Variants in XKR3 observed in about 807,000 individuals in gnomAD.
XKR3 encodes XK-related protein 3.
In XKR3, 27 loss-of-function variants were observed where a neutral mutation model predicts 40.3. The ratio of observed to expected loss-of-function variants is 0.67; its 90% CI spans 0.49 to 0.92. The LOEUF is 0.92. Ranked by LOEUF, XKR3 falls within the 40% of genes least tolerant of loss-of-function variation. The pLI, the probability that XKR3 is intolerant of heterozygous loss-of-function variation, is 0.00. For missense variants in XKR3, 472 were observed against 537.6 expected, an observed-to-expected ratio of 0.88 and a Z score of 1.21; for synonymous variants, 193 against 195.4, an observed-to-expected ratio of 0.99 and a Z score of 0.10.
rs1331498701 is a variant in XKR3 at position 16,807,997 on chromosome 22, C to CCAA, written c.74_76dup (p.Leu25_Gly26insVal). The CCAA allele has an allele frequency of 6.8e-6, 11 of 1,613,868 alleles. No homozygotes were observed. The highest frequency in any genetic ancestry group is 9.3e-6 in the Non-Finnish European group (11 of 1,179,890). On this transcript the variant is annotated inframe_insertion, in exon 2 of 4. Transcript: ENST00000684488. The stretch of plus-strand genomic sequence containing the variant: ...AGGAAAGCTTAGATGGAGTCTCTGG[C>CCAA]CAAGGACTATTTCTTCTTTCGAAGA...
chr22:16,795,080 C>G (rs1360039776), intron 3 of XKR3, among the ~76,000 whole-genome samples: 1 of 152,158 alleles, frequency 6.6e-6, no homozygotes, highest in Non-Finnish European at 1.5e-5. Context: ...AATGAACATG[C>G]CACCCAACAA....
At chr22:16,790,447 A>G (rs1249461925) in intron 3 of XKR3, among the ~76,000 whole-genome samples, 111 of 152,298 alleles carry the variant, frequency 7.3e-4, no homozygotes, top group Non-Finnish European at 1.3e-3. Flanking sequence ...AAAATATTCA[A>G]AAGCAAAACA....
intron 1 of XKR3, among the ~76,000 whole-genome samples, 104 bp downstream of exon 1, chr22:16,825,187 C>A (rs77832581): frequency 6.6e-6 from 1 of 152,100 alleles, no homozygotes; most frequent in Non-Finnish European, 1.5e-5. Flanking sequence ...AAAAGCCACC[C>A]CTGATATCCA....
At chr22:16,797,783 A>T (rs1478723872) in intron 3 of XKR3, among the ~76,000 whole-genome samples, 2 of 139,012 alleles carry the variant, frequency 1.4e-5, no homozygotes, top group Non-Finnish European at 3.1e-5. Flanking sequence ...ACAGAGTGAG[A>T]CTCTGTCTCA....
intron 3 of XKR3, among the ~76,000 whole-genome samples, chr22:16,789,137 T>C (rs2060103511): frequency 6.6e-6 from 1 of 152,178 alleles, no homozygotes; most frequent in African/African-American, 2.4e-5. Flanking sequence ...CTTTAACTGC[T>C]TATATTAACA....
chr22:16,794,852 G>A (rs1468850836), intron 3 of XKR3, among the ~76,000 whole-genome samples: 2 of 152,160 alleles, frequency 1.3e-5, no homozygotes, highest in Non-Finnish European at 2.9e-5. Context: ...CATGCTAATG[G>A]AAAACAAAGA....
rs1256762797 is a variant in XKR3 at position 16,783,986 on chromosome 22, C to G, written c.1013G>C (p.Arg338Thr). 6.2e-7 allele frequency: 1 copy of G among 1,614,238 alleles called. No individual in the cohort carries two copies. The highest frequency in any genetic ancestry group is 8.5e-7 in the Non-Finnish European group (1 of 1,180,046). ...TAGGATTCTATGGCCCCACCTCTGT[C>G]TCCCGTCAATTATTTTGTCATCTGA... Reference protein sequence around the residue: ...QLSDDKIIDGRQRWGHRILHY... With the variant: ...QLSDDKIIDGTQRWGHRILHY... The change falls in exon 4 of 4, where the codon AGA becomes ACA. Residue 338 changes from arginine (R) to threonine (T), a missense_variant. Arg to Thr is a moderately conservative substitution (Grantham distance 71). Coordinates refer to ENST00000684488, the MANE Select transcript of XKR3 (RefSeq NM_001386955.1).
intron 1 of XKR3, among the ~76,000 whole-genome samples, chr22:16,817,353 C>CCAGT (rs2060238109): frequency 6.6e-6 from 1 of 151,184 alleles, no homozygotes; most frequent in Non-Finnish European, 1.5e-5. Context: ...CGAACGTCCA[C>CCAGT]CAATCAGTTT....
chr22:16,795,740 G>A (rs1425948148), intron 3 of XKR3, among the ~76,000 whole-genome samples: 1 of 152,124 alleles, frequency 6.6e-6, no homozygotes, highest in Non-Finnish European at 1.5e-5. Flanking sequence ...GTTGACATGG[G>A]AGGATTACTT....
At chr22:16,818,564 TA>T (rs1249497960) in intron 1 of XKR3, among the ~76,000 whole-genome samples, 2 of 151,916 alleles carry the variant, frequency 1.3e-5, no homozygotes, top group Non-Finnish European at 2.9e-5. Context: ...CTATGGAGAA[TA>T]ACCAAACTAC....
intron 1 of XKR3, among the ~76,000 whole-genome samples, chr22:16,821,387 C>T (rs2060255052): frequency 6.6e-6 from 1 of 151,936 alleles, no homozygotes; most frequent in African/African-American, 2.4e-5. Context: ...CAAAGCATCT[C>T]AAAAATCAGG....
chr22:16,824,670 C>A (rs2060267462), intron 1 of XKR3, among the ~76,000 whole-genome samples: 1 of 152,080 alleles, frequency 6.6e-6, no homozygotes, highest in African/African-American at 2.4e-5. Context: ...AGAAATATAT[C>A]CCACTCTCTC....
intron 3 of XKR3, among the ~76,000 whole-genome samples, chr22:16,791,428 A>G (rs1222386403): frequency 4.6e-5 from 7 of 152,240 alleles, no homozygotes; most frequent in Admixed American, 2.6e-4. Flanking sequence ...TTATAATTAC[A>G]GTCAGATAGG....
At chr22:16,814,970 C>T (rs2060227257) in intron 1 of XKR3, among the ~76,000 whole-genome samples, 1 of 151,482 alleles carries the variant, frequency 6.6e-6, no homozygotes, top group Non-Finnish European at 1.5e-5. Flanking sequence ...TGCCCCTCAT[C>T]AAAATCAAAC....
chr22:16,788,438 G>A lies in XKR3; in HGVS notation c.590-4029C>T, dbSNP rs567898031. On this transcript the variant is annotated intron_variant, in intron 3 of 3. Coordinates refer to ENST00000684488, the MANE Select transcript of XKR3 (RefSeq NM_001386955.1). The stretch of plus-strand genomic sequence containing the variant: ...TATAATCAGAGACAAAAAAGGAGAT[G>A]TCATAACTGACACCCAGAAACAAAT... Among the ~76,000 whole-genome samples, 33 of 152,116 alleles carry A rather than the reference G, an allele frequency of 2.2e-4. No individual in the cohort carries two copies. The South Asian group carries it at 6.4e-3, about 30-fold the overall frequency.
chr22:16,821,200 T>A (rs2060254282), intron 1 of XKR3, among the ~76,000 whole-genome samples: 1 of 152,166 alleles, frequency 6.6e-6, no homozygotes, highest in African/African-American at 2.4e-5. Context: ...TAATTTTCTA[T>A]GATAGCATTG....
In XKR3 at chr22:16,784,046, T is replaced by C. The variant is rs2060078244; in HGVS notation, c.953A>G (p.Asn318Ser). 6.2e-7 allele frequency: 1 copy of C among 1,614,122 alleles called. No homozygotes were observed. The highest frequency in any genetic ancestry group is 8.5e-7 in the Non-Finnish European group (1 of 1,180,054). ...FLITLLYAAI[N>S]FSCWSAVKLQ... ...TTTCACTGCTGACCAGCAGGAGAAGTTGATGGCAGCATATAGCAGTGTGAT... is the reference window on the plus strand; with the variant it reads ...TTTCACTGCTGACCAGCAGGAGAAGCTGATGGCAGCATATAGCAGTGTGAT... Residue 318 changes from asparagine to serine, a missense_variant, in exon 4 of 4, where the codon AAC (asparagine) becomes AGC (serine). Asn to Ser is a conservative substitution (Grantham distance 46). Transcript: ENST00000684488.
At chr22:16,819,276 G>A (rs111631606) in intron 1 of XKR3, among the ~76,000 whole-genome samples, 2,632 of 152,144 alleles carry the variant, frequency 0.017, 72 homozygotes, top group African/African-American at 0.06. Context: ...TTGAGATAAA[G>A]CAAACTTACA....
intron 2 of XKR3, among the ~76,000 whole-genome samples, chr22:16,803,235 G>A (rs2060176624): frequency 6.6e-6 from 1 of 152,052 alleles, no homozygotes; most frequent in African/African-American, 2.4e-5. Flanking sequence ...GCTATAGCCT[G>A]TCAAAAATGA....
Sources: allele counts gnomAD v4.1 joint callset (sites outside exome capture counted in the v4.1 genomes callset), GRCh38; gene constraint gnomAD v4.1.1; transcripts MANE v1.5; gene names NCBI Gene and HGNC (gene_info 2026-07-23, HGNC 2026-07-21).